The following TTC28 variants were observed in gnomAD, a reference collection of about 807,000 sequenced individuals.
The protein encoded by TTC28 is tetratricopeptide repeat domain 28.
TTC28 carries 61 observed loss-of-function variants against 198.0 expected under a neutral mutation model. The observed-to-expected ratio is 0.31, with a 90% CI of 0.25 to 0.38. TTC28 has a LOEUF of 0.38. TTC28 is among the 10% of genes least tolerant of loss of function. The probability of loss-of-function intolerance (pLI) is 1.00; values close to 1 mark genes in which losing one functional copy is unlikely to be tolerated. For synonymous variants in TTC28, 1,171 were observed against 1,297.8 expected (o/e 0.90, Z 2.10); for missense variants, 2,678 against 3,164.0 (o/e 0.85, Z 3.69).
intron 2 of TTC28, among the ~76,000 whole-genome samples, chr22:28,607,411 A>G (rs2050752207): frequency 6.6e-6 from 1 of 152,236 alleles, no homozygotes; most frequent in Non-Finnish European, 1.5e-5. Context: ...TAAAGAAAGC[A>G]TCACTTTTTT....
intron 2 of TTC28, among the ~76,000 whole-genome samples, chr22:28,589,810 C>T (rs182730690): frequency 2.0e-5 from 3 of 151,706 alleles, no homozygotes; most frequent in Non-Finnish European, 2.9e-5. Flanking sequence ...GAGGCCAAGG[C>T]GGGTAGATCA....
Position 28,107,240 on chromosome 22 carries a change from C to T in TTC28, c.2605G>A (p.Gly869Arg), listed in dbSNP as rs756056574. ...QQLAMLQQLS[G>R]NESVLDRGRA... is the part of the protein sequence containing the mutation. ...CCCCTGTCGAGCACAGACTCATTTC[C>T]ACTTAGCTGCTGCAGCATGGCCAAT... The change falls in exon 7 of 23, where the codon GGA (glycine) becomes AGA (arginine). Residue 869 changes from glycine (G) to arginine (R), a missense_variant. Gly to Arg is a moderately radical substitution (Grantham distance 125). This residue lies in a region of TTC28 where 775 missense variants were observed against 845.9 expected (regional missense o/e 0.92). Coordinates refer to ENST00000397906, the MANE Select transcript of TTC28 (RefSeq NM_001145418.2). The T allele has an allele frequency of 1.9e-6, 3 of 1,551,770 alleles. No homozygotes were observed. The highest frequency in any genetic ancestry group is 1.2e-5 in the South Asian group (1 of 84,066).
chr22:27,998,236 T>A, intron 16 of TTC28: 1 of 469,500 alleles, frequency 2.1e-6, no homozygotes, highest in Non-Finnish European at 3.8e-6. Context: ...CTTTCTACAG[T>A]CATGGGTTAA....
At chr22:28,656,791 A>G (rs374154167) in intron 1 of TTC28, among the ~76,000 whole-genome samples, 8 of 152,184 alleles carry the variant, frequency 5.3e-5, no homozygotes, top group African/African-American at 1.9e-4. Context: ...GAAGGATAGC[A>G]TTAGGAGATA....
chr22:28,087,302 G>A (rs1315367327), intron 12 of TTC28, among the ~76,000 whole-genome samples: 2 of 152,078 alleles, frequency 1.3e-5, no homozygotes, highest in Non-Finnish European at 1.5e-5. Context: ...ACATCAAAAC[G>A]CTTATCCACC....
At chr22:28,278,400 T>C (rs983426134) in intron 5 of TTC28, among the ~76,000 whole-genome samples, 30 of 152,320 alleles carry the variant, frequency 2.0e-4, no homozygotes, top group Middle Eastern at 3.4e-3. Context: ...AATTGTATCA[T>C]TATGGATAAA....
At chr22:28,381,478 G>T (rs2046493077) in intron 2 of TTC28, among the ~76,000 whole-genome samples, 1 of 152,098 alleles carries the variant, frequency 6.6e-6, no homozygotes, top group South Asian at 2.1e-4. Context: ...CCTATTAGTA[G>T]ATGGTGCCTT....
intron 2 of TTC28, among the ~76,000 whole-genome samples, chr22:28,608,196 C>T (rs895399692): frequency 1.3e-5 from 2 of 152,164 alleles, no homozygotes; most frequent in African/African-American, 4.8e-5. Flanking sequence ...TTTTCCTCAC[C>T]TATGTGATCG....
intron 2 of TTC28, among the ~76,000 whole-genome samples, chr22:28,421,107 T>C (rs963964506): frequency 6.6e-6 from 1 of 152,222 alleles, no homozygotes; most frequent in African/African-American, 2.4e-5. Context: ...CTGTAGAGAC[T>C]GATAACTAAC....
chr22:28,025,908 C>T (rs970255388), intron 13 of TTC28, among the ~76,000 whole-genome samples: 9 of 152,290 alleles, frequency 5.9e-5, no homozygotes, highest in Non-Finnish European at 7.4e-5. Context: ...TCCATGCAGA[C>T]GCACACACAG....
intron 1 of TTC28, among the ~76,000 whole-genome samples, chr22:28,652,074 A>T (rs989683332): frequency 1.3e-5 from 2 of 152,054 alleles, no homozygotes; most frequent in African/African-American, 4.8e-5. Flanking sequence ...TCCTGACCTC[A>T]GGTGATCCGC....
At chr22:28,499,609 G>A (rs1328202483) in intron 2 of TTC28, among the ~76,000 whole-genome samples, 2 of 152,110 alleles carry the variant, frequency 1.3e-5, no homozygotes, top group Non-Finnish European at 2.9e-5. Flanking sequence ...ATCATATAGA[G>A]AGATTACTAG....
At chr22:28,043,996 C>T (rs1278339941) in intron 12 of TTC28, among the ~76,000 whole-genome samples, 2 of 152,156 alleles carry the variant, frequency 1.3e-5, no homozygotes, top group African/African-American at 2.4e-5. Context: ...AATGTGGTAC[C>T]GCCAGCACCG....
At position 28,374,942 on chromosome 22, in the gene TTC28, G is replaced by T. The variant is rs553428496; in HGVS notation, c.382-68299C>A. On this transcript the variant is annotated intron_variant, in intron 2 of 22. Transcript: ENST00000397906. ...AAGTTGCATATTAAAAAAAAAAGGTGCCAGGAGCAGTGGCTCATGCCTGTA... is the reference window on the plus strand; with the variant it reads ...AAGTTGCATATTAAAAAAAAAAGGTTCCAGGAGCAGTGGCTCATGCCTGTA... Among the ~76,000 whole-genome samples the T allele has an allele frequency of 1.9e-3, 285 of 151,804 alleles. 2 individuals are homozygous for T. Among genetic ancestry groups the T allele is most frequent in the Admixed American group, 4.9e-3 (75 of 15,254 alleles).
At chr22:28,367,841 C>T (rs1206597284) in intron 2 of TTC28, among the ~76,000 whole-genome samples, 1 of 152,012 alleles carries the variant, frequency 6.6e-6, no homozygotes, top group Non-Finnish European at 1.5e-5. Flanking sequence ...TAGACCCCTA[C>T]AGCCTACCAA....
intron 6 of TTC28, among the ~76,000 whole-genome samples, chr22:28,112,748 T>C (rs1269322793): frequency 6.6e-6 from 1 of 152,156 alleles, no homozygotes; most frequent in Non-Finnish European, 1.5e-5. Flanking sequence ...ACAGCTTGAT[T>C]TTCCAGGGCC....
Position 28,296,192 on chromosome 22 carries a change from T to G in TTC28, c.933+6A>C. Reference sequence around the variant, plus strand: ...AATGTTTTTGGTCTGCAGATAAACTTCCTACCTCTCGATCTTTGAGTTTCA... The same window carrying G: ...AATGTTTTTGGTCTGCAGATAAACTGCCTACCTCTCGATCTTTGAGTTTCA... On this transcript the variant is annotated splice_donor_region_variant and intron_variant, in intron 5 of 22. Coordinates refer to ENST00000397906, the MANE Select transcript of TTC28 (RefSeq NM_001145418.2). 1 of 1,544,362 alleles carries G rather than the reference T, an allele frequency of 6.5e-7. No individual in the cohort carries two copies. The highest frequency in any genetic ancestry group is 1.2e-5 in the South Asian group (1 of 82,722).
intron 12 of TTC28, among the ~76,000 whole-genome samples, chr22:28,052,884 C>G (rs1032126612): frequency 6.6e-6 from 1 of 152,178 alleles, no homozygotes; most frequent in Non-Finnish European, 1.5e-5. Context: ...AAAGTCTTCT[C>G]CGACACAACA....
At chr22:28,584,265 A>G (rs976059412) in intron 2 of TTC28, among the ~76,000 whole-genome samples, 2 of 152,186 alleles carry the variant, frequency 1.3e-5, no homozygotes, top group Non-Finnish European at 2.9e-5. Flanking sequence ...TGACAAAAGT[A>G]GCTCTCATAT....
Sources: allele counts gnomAD v4.1 joint callset (sites outside exome capture counted in the v4.1 genomes callset), GRCh38; gene constraint gnomAD v4.1.1; regional missense constraint gnomAD v4.1.1; transcripts MANE v1.5; gene names NCBI Gene and HGNC (gene_info 2026-07-23, HGNC 2026-07-21).